Variants in FGF12 observed in about 807,000 individuals in gnomAD.
The protein encoded by FGF12 is fibroblast growth factor 12B.
In FGF12, 14 loss-of-function variants were observed where a neutral mutation model predicts 23.6. The ratio of observed to expected loss-of-function variants is 0.59; its 90% CI spans 0.39 to 0.93. The LOEUF (loss-of-function observed/expected upper bound fraction) is 0.93, where lower values mean the gene tolerates loss of function less well. Ranked by LOEUF, FGF12 falls within the 40% of genes least tolerant of loss-of-function variation. The probability of loss-of-function intolerance (pLI) is 0.00; values close to 1 mark genes in which losing one functional copy is unlikely to be tolerated. For synonymous variants in FGF12, 62 were observed against 77.3 expected (o/e 0.80, Z 1.04); for missense variants, 175 against 217.8 (o/e 0.80, Z 1.24).
At chr3:192,653,358 T>A (rs1716281955) in intron 2 of FGF12, among the ~76,000 whole-genome samples, 1 of 152,160 alleles carries the variant, frequency 6.6e-6, no homozygotes, top group African/African-American at 2.4e-5. Context: ...TCCCAAATCA[T>A]CCCCAGGAGT....
intron 4 of FGF12, among the ~76,000 whole-genome samples, chr3:192,243,813 A>C (rs1719745797): frequency 6.6e-6 from 1 of 152,134 alleles, no homozygotes; most frequent in Non-Finnish European, 1.5e-5. Flanking sequence ...TCAAAAGGTA[A>C]AAAGTGGGAA....
At chr3:192,479,851 T>A (rs890644047) in intron 2 of FGF12, among the ~76,000 whole-genome samples, 6 of 152,098 alleles carry the variant, frequency 3.9e-5, no homozygotes, top group African/African-American at 1.4e-4. Context: ...AAGAATAAGA[T>A]TACAGGTAAT....
At chr3:192,436,520 C>T (rs1722034858) in intron 2 of FGF12, among the ~76,000 whole-genome samples, 3 of 152,182 alleles carry the variant, frequency 2.0e-5, no homozygotes, top group African/African-American at 2.4e-5. Flanking sequence ...GGAAAACCTC[C>T]GTTGTAAACG....
chr3:192,522,623 G>C (rs1431304047), intron 2 of FGF12, among the ~76,000 whole-genome samples: 1 of 152,160 alleles, frequency 6.6e-6, no homozygotes, highest in Non-Finnish European at 1.5e-5. Flanking sequence ...AGTTGCATAA[G>C]CATACAACAG....
At position 192,663,431 on chromosome 3, in the gene FGF12, G is replaced by A. The variant is rs546130312; in HGVS notation, c.13+63750C>T. Among the ~76,000 whole-genome samples, 8 of 152,258 alleles carry A rather than the reference G, an allele frequency of 5.3e-5. No individual in the cohort carries two copies. In the East Asian group the frequency reaches 1.4e-3, roughly 26 times the overall value. On this transcript the variant is annotated intron_variant, in intron 2 of 5. Transcript: ENST00000445105. ...TCTCAATAAATGGGGTCCAAGGCTG[G>A]TGGGTGACTTGTTCTCAGGTCATTC...
intron 2 of FGF12, among the ~76,000 whole-genome samples, chr3:192,599,478 T>TA: frequency 6.6e-6 from 1 of 152,134 alleles, no homozygotes; most frequent in Non-Finnish European, 1.5e-5. Flanking sequence ...GAGAATTGAA[T>TA]AAAATAATGC....
chr3:192,593,552 G>A (rs1475718012), intron 2 of FGF12, among the ~76,000 whole-genome samples: 1 of 151,942 alleles, frequency 6.6e-6, no homozygotes, highest in African/African-American at 2.4e-5. Context: ...CTCAATAAAT[G>A]TTTGTAGGAT....
At chr3:192,411,786 G>A (rs557645906) in intron 2 of FGF12, among the ~76,000 whole-genome samples, 123 of 152,298 alleles carry the variant, frequency 8.1e-4, no homozygotes, top group South Asian at 1.5e-3. Context: ...CAGAGAAATA[G>A]GCAAGAGGGG....
chr3:192,255,292 C>T (rs559118915), intron 4 of FGF12, among the ~76,000 whole-genome samples: 1 of 152,074 alleles, frequency 6.6e-6, no homozygotes, highest in Non-Finnish European at 1.5e-5. Flanking sequence ...ATATTATAAA[C>T]ATTGTCAACT....
At chr3:192,614,649 G>A (rs574098718) in intron 2 of FGF12, among the ~76,000 whole-genome samples, 13 of 151,842 alleles carry the variant, frequency 8.6e-5, no homozygotes, top group African/African-American at 2.7e-4. Flanking sequence ...TTTCTCAGTC[G>A]TAGGAGACTA....
rs374021312 is a variant in FGF12 at position 192,303,515 on chromosome 3, A to G, written c.228+31846T>C. Among the ~76,000 whole-genome samples, 7 of 152,334 alleles carry G rather than the reference A, an allele frequency of 4.6e-5. No homozygotes were observed. The East Asian group carries it at 1.3e-3, about 29-fold the overall frequency. On this transcript the variant is annotated intron_variant, in intron 4 of 5. Transcript: ENST00000445105. Reference sequence around the variant, plus strand: ...CTCATTTATCTGGCAACTCCAGTGAAGACTGTATAGTGCACAAGATAATTA... The same window carrying G: ...CTCATTTATCTGGCAACTCCAGTGAGGACTGTATAGTGCACAAGATAATTA...
intron 2 of FGF12, among the ~76,000 whole-genome samples, chr3:192,687,922 C>G (rs1717814019): frequency 6.6e-6 from 1 of 152,120 alleles, no homozygotes; most frequent in African/African-American, 2.4e-5. Context: ...TGCTGCCAGC[C>G]CTTGCCACGA....
At chr3:192,411,701 T>C (rs1268927818) in intron 2 of FGF12, among the ~76,000 whole-genome samples, 1 of 152,204 alleles carries the variant, frequency 6.6e-6, no homozygotes, top group Non-Finnish European at 1.5e-5. Context: ...ACACAGATAG[T>C]ACAGTGGGCT....
intron 2 of FGF12, among the ~76,000 whole-genome samples, chr3:192,674,050 T>G (rs1266397142): frequency 1.3e-5 from 2 of 151,088 alleles, no homozygotes; most frequent in Non-Finnish European, 3.0e-5. Context: ...TAGACTCTCT[T>G]ATTGAGTGAT....
intron 5 of FGF12, among the ~76,000 whole-genome samples, chr3:192,148,026 C>T (rs112088477): frequency 0.012 from 1,810 of 152,146 alleles, 44 homozygotes; most frequent in African/African-American, 0.041. Context: ...TGTAAAATGG[C>T]TCAGCCACCG....
intron 2 of FGF12, among the ~76,000 whole-genome samples, chr3:192,468,763 G>C (rs1041832114): frequency 2.0e-5 from 3 of 151,976 alleles, no homozygotes; most frequent in Non-Finnish European, 2.9e-5. Flanking sequence ...ACAAATATCT[G>C]TTCTTCTCAA....
intron 2 of FGF12, among the ~76,000 whole-genome samples, chr3:192,698,021 C>T (rs1013189093): frequency 6.6e-6 from 1 of 151,952 alleles, no homozygotes; most frequent in Non-Finnish European, 1.5e-5. Flanking sequence ...TTGCCAACAT[C>T]TGACATAAAA....
intron 4 of FGF12, among the ~76,000 whole-genome samples, chr3:192,308,920 C>G (rs1442076639): frequency 6.6e-6 from 1 of 151,912 alleles, no homozygotes; most frequent in Non-Finnish European, 1.5e-5. Flanking sequence ...AGGTCTGTAC[C>G]CACTTACTTT....
intron 2 of FGF12, among the ~76,000 whole-genome samples, chr3:192,649,936 T>C (rs1039168432): frequency 2.6e-5 from 4 of 152,210 alleles, no homozygotes; most frequent in Admixed American, 6.5e-5. Context: ...CTGTGGTATA[T>C]TTTGCTCATA....
Sources: gnomAD v4.1 joint callset for allele counts (sites outside exome capture counted in the v4.1 genomes callset) on GRCh38, gnomAD v4.1.1 for gene constraint, MANE v1.5 for transcripts, NCBI Gene and HGNC (gene_info 2026-07-23, HGNC 2026-07-21) for gene names.